The following NCEH1 variants were observed in gnomAD, a reference collection of about 807,000 sequenced individuals.
NCEH1 encodes the protein neutral cholesterol ester hydrolase 1, also known as 2-acetyl MAGE hydrolase.
A neutral mutation model predicts 25.4 loss-of-function variants in NCEH1; 9 were observed. The observed-to-expected ratio is 0.35, with a 90% CI of 0.21 to 0.62. NCEH1 has a LOEUF of 0.62. Ranked by LOEUF, NCEH1 falls within the 20% of genes least tolerant of loss-of-function variation. The pLI, the probability that NCEH1 is intolerant of heterozygous loss-of-function variation, is 0.72. For synonymous variants in NCEH1, 200 were observed against 199.8 expected, an observed-to-expected ratio of 1.00 and a Z score of -0.01; for missense variants, 412 against 501.1, an observed-to-expected ratio of 0.82 and a Z score of 1.70.
chr3:172,672,443 A>G (rs1291321253), intron 1 of NCEH1, among the ~76,000 whole-genome samples: 3 of 152,180 alleles, frequency 2.0e-5, no homozygotes, highest in South Asian at 2.1e-4. Flanking sequence ...TAAACTGTCT[A>G]TAATAGACCA....
chr3:172,710,164 C>T (rs1714218097), intron 1 of NCEH1, among the ~76,000 whole-genome samples: 1 of 152,216 alleles, frequency 6.6e-6, no homozygotes, highest in African/African-American at 2.4e-5. Context: ...AAAATAAATG[C>T]TGCAGGGCAA....
intron 1 of NCEH1, among the ~76,000 whole-genome samples, chr3:172,667,958 G>A (rs1351353971): frequency 6.6e-6 from 1 of 152,178 alleles, no homozygotes; most frequent in East Asian, 1.9e-4. Context: ...AACCATTTGA[G>A]GATCCCCCTT....
In NCEH1 at chr3:172,633,983, G is replaced by C. The variant is rs753522171; in HGVS notation, c.719C>G (p.Thr240Ser). The change falls in exon 5 of 5, where the codon ACC becomes AGC. Residue 240 changes from threonine to serine, a missense_variant. Coordinates refer to ENST00000475381, the MANE Select transcript of NCEH1 (RefSeq NM_020792.6). The stretch of plus-strand genomic sequence containing the variant: ...CATGACATAGCGGGGCAGGATTGGG[G>C]TGTTCACATTTTGCTGATAAGATGG... ...NTPSYQQNVN[T>S]PILPRYVMVK... 2 of 1,614,204 alleles carry C rather than the reference G, an allele frequency of 1.2e-6. No individual in the cohort carries two copies. The highest frequency in any genetic ancestry group is 2.2e-5 in the South Asian group (2 of 91,082).
Position 172,675,327 on chromosome 3 carries a change from A to AAATAAATTAATTAATTAATT in NCEH1, c.139-27214_139-27213insAATTAATTAATTAATTTATT, listed in dbSNP as rs1553835604. 2.6e-3 allele frequency among the ~76,000 whole-genome samples: 382 copies of AAATAAATTAATTAATTAATT among 148,950 alleles called. 2 individuals are homozygous for AAATAAATTAATTAATTAATT. Among genetic ancestry groups the AAATAAATTAATTAATTAATT allele is most frequent in the African/African-American group, 9.3e-3 (366 of 39,254 alleles). ...CAAATAAATAAATAAATAAATAAAT[A>AAATAAATTAATTAATTAATT]AATAAATAAATAAATGATTTTGTGA... is the stretch of plus-strand genomic sequence containing the variant. On this transcript the variant is annotated intron_variant, in intron 1 of 4. Coordinates refer to ENST00000475381, the MANE Select transcript of NCEH1 (RefSeq NM_020792.6).
At position 172,653,760 on chromosome 3, in the gene NCEH1, GTT is replaced by G. The variant is rs780425751; in HGVS notation, c.139-5648_139-5647del. Among the ~76,000 whole-genome samples, 543 of 54,390 alleles carry G rather than the reference GTT, an allele frequency of 1.0e-2. 10 individuals are homozygous for G. The highest frequency in any genetic ancestry group is 0.024 in the African/African-American group (457 of 18,664). The allele number at this position is 54,390 out of a possible 152,430, so 35.7% of individuals were successfully genotyped here. ...GTTTTTTTTGTTTTTTTGTTTTTTT[GTT>G]TTTTTTTTTTTTTGAGACAGAGTCT... On this transcript the variant is annotated intron_variant, in intron 1 of 4. Coordinates refer to ENST00000475381, the MANE Select transcript of NCEH1 (RefSeq NM_020792.6).
At chr3:172,672,163 T>C (rs536126146) in intron 1 of NCEH1, among the ~76,000 whole-genome samples, 5 of 152,230 alleles carry the variant, frequency 3.3e-5, no homozygotes, top group Non-Finnish European at 7.3e-5. Flanking sequence ...TACCATTACA[T>C]TGTAATTGCC....
At chr3:172,681,457 T>C (rs540040541) in intron 1 of NCEH1, among the ~76,000 whole-genome samples, 1 of 152,314 alleles carries the variant, frequency 6.6e-6, no homozygotes, top group South Asian at 2.1e-4. Context: ...TGAATTTAAC[T>C]TGAAACTATT....
chr3:172,700,172 T>C (rs891335828), intron 1 of NCEH1, among the ~76,000 whole-genome samples: 1 of 152,186 alleles, frequency 6.6e-6, no homozygotes, highest in African/African-American at 2.4e-5. Context: ...AGTTGAATAA[T>C]TGGCATCAGA....
At chr3:172,675,323 A>AATTAATTAATTAATTAATTAATT (rs1553835594) in intron 1 of NCEH1, among the ~76,000 whole-genome samples, 1 of 144,686 alleles carries the variant, frequency 6.9e-6, no homozygotes, top group African/African-American at 2.8e-5. Context: ...ATAAATAAAT[A>AATTAATTAATTAATTAATTAATT]AATAAATAAA....
At position 172,671,179 on chromosome 3, in the gene NCEH1, A is replaced by AT. The variant is rs201574602; in HGVS notation, c.139-23066dup. Among the ~76,000 whole-genome samples the AT allele has an allele frequency of 1.2e-4, 18 of 152,242 alleles. 1 individual carries two copies. In the East Asian group the frequency reaches 3.3e-3, roughly 28 times the overall value. ...TTGTGGTAGCTGGATTAACCCAATT[A>AT]TTTTTTGGAGGTTAAGGGAAACTTT... On this transcript the variant is annotated intron_variant, in intron 1 of 4. Coordinates refer to ENST00000475381, the MANE Select transcript of NCEH1 (RefSeq NM_020792.6).
intron 1 of NCEH1, among the ~76,000 whole-genome samples, chr3:172,671,522 CACACACATATAT>C (rs1711620359): frequency 1.3e-5 from 2 of 148,248 alleles, no homozygotes; most frequent in South Asian, 4.3e-4. Flanking sequence ...CACACACACA[CACACACATATAT>C]AGATATATAT....
intron 1 of NCEH1, among the ~76,000 whole-genome samples, chr3:172,681,427 G>GT (rs1712369552): frequency 6.6e-6 from 1 of 152,014 alleles, no homozygotes; most frequent in Non-Finnish European, 1.5e-5. Context: ...CACAATAAAC[G>GT]TATCCAAAGG....
intron 1 of NCEH1, among the ~76,000 whole-genome samples, chr3:172,679,430 A>G (rs1353001279): frequency 6.6e-6 from 1 of 152,134 alleles, no homozygotes; most frequent in Non-Finnish European, 1.5e-5. Context: ...CCTCTACTTT[A>G]CTTTTTACAC....
chr3:172,663,815 T>C (rs1165128543), intron 1 of NCEH1, among the ~76,000 whole-genome samples: 2 of 152,194 alleles, frequency 1.3e-5, no homozygotes, highest in Non-Finnish European at 2.9e-5. Context: ...ATTTGCTTGG[T>C]AGATCTTCCT....
intron 1 of NCEH1, among the ~76,000 whole-genome samples, chr3:172,682,670 T>C (rs1712448965): frequency 6.6e-6 from 1 of 152,242 alleles, no homozygotes; most frequent in Admixed American, 6.5e-5. Context: ...TCAACACTCC[T>C]ATTTATTATT....
chr3:172,686,025 C>A (rs1712675398), intron 1 of NCEH1, among the ~76,000 whole-genome samples: 2 of 152,180 alleles, frequency 1.3e-5, no homozygotes, highest in African/African-American at 4.8e-5. Context: ...AAATTGCTGC[C>A]CAGCAATTCT....
chr3:172,668,198 T>C (rs1188125323), intron 1 of NCEH1, among the ~76,000 whole-genome samples: 1 of 152,036 alleles, frequency 6.6e-6, no homozygotes, highest in African/African-American at 2.4e-5. Context: ...ATGAGCAATA[T>C]ATCTCCTATA....
At chr3:172,656,637 G>A (rs914982516) in intron 1 of NCEH1, among the ~76,000 whole-genome samples, 36 of 152,000 alleles carry the variant, frequency 2.4e-4, no homozygotes, top group Non-Finnish European at 4.4e-4. Context: ...GTGGTGATGC[G>A]CGCCTGTAAT....
At chr3:172,679,779 G>A (rs945164374) in intron 1 of NCEH1, among the ~76,000 whole-genome samples, 7 of 151,816 alleles carry the variant, frequency 4.6e-5, no homozygotes, top group Admixed American at 1.3e-4. Context: ...AGTGATTCCC[G>A]CCATCTTCTC....
Sources: allele counts gnomAD v4.1 joint callset (sites outside exome capture counted in the v4.1 genomes callset), GRCh38; gene constraint gnomAD v4.1.1; transcripts MANE v1.5; gene names NCBI Gene and HGNC (gene_info 2026-07-23, HGNC 2026-07-21).